PLA2G4F: variants seen among roughly 807,000 people sequenced by gnomAD.
PLA2G4F encodes the protein cytosolic phospholipase A2 zeta.
A neutral mutation model predicts 103.1 loss-of-function variants in PLA2G4F; 105 were observed. The observed-to-expected ratio is 1.02, with a 90% CI of 0.87 to 1.20. PLA2G4F has a LOEUF of 1.20. PLA2G4F is among the 50% of genes most tolerant of loss of function. The pLI is 0.00. For synonymous variants in PLA2G4F, 468 were observed against 441.1 expected, an observed-to-expected ratio of 1.06 and a Z score of -0.76; for missense variants, 1,155 against 1,075.9, an observed-to-expected ratio of 1.07 and a Z score of -1.03.
intron 11 of PLA2G4F, chr15:42,149,389 G>A: frequency 1.4e-6 from 1 of 711,170 alleles, no homozygotes; most frequent in Non-Finnish European, 1.7e-6. Flanking sequence ...AGGAAGAGGA[G>A]AGGGAACCCA....
intron 5 of PLA2G4F, 118 bp from the exon 6 acceptor site, chr15:42,153,460 G>C: frequency 2.7e-6 from 4 of 1,483,188 alleles, no homozygotes; most frequent in Non-Finnish European, 3.7e-6. Context: ...GTTTGGAGTG[G>C]GGCGAGCCTG....
At position 42,151,785 on chromosome 15, in the gene PLA2G4F, C is replaced by T. The variant is rs552264901; in HGVS notation, c.601+903G>A. 2.8e-4 allele frequency: 156 copies of T among 564,210 alleles called. No homozygotes were observed. In the South Asian group the frequency reaches 0.011, roughly 39 times the overall value. 35.0% of individuals were successfully genotyped at this position (564,210 alleles called of 1,614,324 possible). On this transcript the variant is annotated intron_variant, in intron 7 of 19. Transcript: ENST00000397272. ...GTGGTTGAGAGAAGCGGAGTGTCACCGACCTGGGTTTGACCCTGGCTCTAC... is the reference window on the plus strand; with the variant it reads ...GTGGTTGAGAGAAGCGGAGTGTCACTGACCTGGGTTTGACCCTGGCTCTAC...
In PLA2G4F at chr15:42,156,572, C is replaced by G. The variant is rs566491012; in HGVS notation, c.-23G>C. On this transcript the variant is annotated 5_prime_UTR_variant, in exon 1 of 20. Coordinates refer to ENST00000397272, the MANE Select transcript of PLA2G4F (RefSeq NM_213600.4). ...CATGGCTGGGCAGCCCGGGCCCCAG[C>G]AGGGAACCCTGCCTGCGCTCCTCTG... The G allele has an allele frequency of 8.6e-6, 13 of 1,511,418 alleles. No individual in the cohort carries two copies. The African/African-American group carries it at 1.8e-4, about 21-fold the overall frequency. 93.6% of individuals were successfully genotyped at this position (1,511,418 alleles called of 1,614,324 possible). A position where few individuals can be genotyped will look rare whatever the true frequency, so the allele number is the denominator to read the frequency against.
intron 1 of PLA2G4F, 75 bp downstream of exon 1, chr15:42,156,364 C>A (rs560417499): frequency 1.6e-6 from 2 of 1,259,386 alleles, no homozygotes; most frequent in African/African-American, 1.5e-5. Flanking sequence ...TGGGGCTGGT[C>A]TCAGTCTTCA....
At chr15:42,155,214 C>T (rs1196674738) in intron 2 of PLA2G4F, among the ~76,000 whole-genome samples, 1 of 152,010 alleles carries the variant, frequency 6.6e-6, no homozygotes. Context: ...TGCACTCACA[C>T]ACTCGCTCAC....
At chr15:42,145,541 T>C (rs1191476013) in intron 16 of PLA2G4F, 34 bp downstream of exon 16, 2 of 1,582,790 alleles carry the variant, frequency 1.3e-6, no homozygotes, top group African/African-American at 2.7e-5. Flanking sequence ...TGCTGGAATG[T>C]GGTGTGGGAG....
chr15:42,144,292 T>A, intron 17 of PLA2G4F, 148 bp from the exon 18 acceptor site: 2 of 1,384,166 alleles, frequency 1.4e-6, no homozygotes, highest in Non-Finnish European at 2.0e-6. Context: ...TGGCCCTGCC[T>A]TCCAGCTTCC....
At position 42,142,040 on chromosome 15, in the gene PLA2G4F, A is replaced by G; in HGVS notation, c.2494T>C (p.Cys832Arg). 1.9e-6 allele frequency: 3 copies of G among 1,614,066 alleles called. No homozygotes were observed. The highest frequency in any genetic ancestry group is 2.2e-5 in the East Asian group (1 of 44,876). ...CGGTCCAGAGCCAGCTGGAGGGCGC[A>G]CTTCAAGGTCTCCACGTTGTTCAGG... ...NVLNNVETLK[C>R]ALQLALDRHQ... The change falls in exon 20 of 20, where the codon TGC becomes CGC. Residue 832 changes from cysteine (C) to arginine (R), a missense_variant. By Grantham distance (180) the Cys-to-Arg change is radical. Coordinates refer to ENST00000397272, the MANE Select transcript of PLA2G4F (RefSeq NM_213600.4).
intron 18 of PLA2G4F, among the ~76,000 whole-genome samples, chr15:42,142,973 G>A (rs532870172): frequency 6.6e-6 from 1 of 151,972 alleles, no homozygotes; most frequent in Non-Finnish European, 1.5e-5. Flanking sequence ...GAGGTCAAGA[G>A]ATCAAGACCA....
rs1331248604 is a variant in PLA2G4F at position 42,142,346 on chromosome 15, C to G, written c.2330-142G>C. The G allele has an allele frequency of 4.3e-6, 5 of 1,154,272 alleles. No individual in the cohort carries two copies. The African/African-American group carries it at 4.7e-5, about 11-fold the overall frequency. 71.5% of individuals were successfully genotyped at this position (1,154,272 alleles called of 1,614,324 possible). ...TGGGCCACATCTCAGCTCTCAGACCCCCCAGGAGGGGCTGGCCCCATCTGA... is the reference window on the plus strand; with the variant it reads ...TGGGCCACATCTCAGCTCTCAGACCGCCCAGGAGGGGCTGGCCCCATCTGA... On this transcript the variant is annotated intron_variant, in intron 19 of 19. Transcript: ENST00000397272.
chr15:42,142,340 C>T (rs1469509421), intron 19 of PLA2G4F, 136 bp from the exon 20 acceptor site: 3 of 1,152,718 alleles, frequency 2.6e-6, no homozygotes, highest in African/African-American at 3.1e-5. Flanking sequence ...TCTCAGCTCT[C>T]AGACCCCCCA....
Position 42,146,390 on chromosome 15 carries a change from G to C in PLA2G4F, c.1420-149C>G, listed in dbSNP as rs1019305585. 50 of 722,142 alleles carry C rather than the reference G, an allele frequency of 6.9e-5. No individual in the cohort carries two copies. In the African/African-American group the frequency reaches 8.4e-4, roughly 12 times the overall value. The allele number at this position is 722,142 out of a possible 1,614,324, so 44.7% of individuals were successfully genotyped here. A position where few individuals can be genotyped will look rare whatever the true frequency, so the allele number is the denominator to read the frequency against. On this transcript the variant is annotated intron_variant, in intron 13 of 19. Transcript: ENST00000397272. ...CAGTGCTGTAAGGACAGCCCTCTGA[G>C]GGACAGGCTTCAGGCCGCAGCCAAG...
rs759593195 is a variant in PLA2G4F, at chr15:42,147,804, C to T, written c.1060-42G>A. 8.1e-6 allele frequency: 13 copies of T among 1,608,324 alleles called. No individual in the cohort carries two copies. In the African/African-American group the frequency reaches 9.4e-5, roughly 12 times the overall value. ...CAAGGATAACGACTCCGACTACCAC[C>T]GTCATTGACGTATTACTGCCTATAC... On this transcript the variant is annotated intron_variant, in intron 11 of 19. Coordinates refer to ENST00000397272, the MANE Select transcript of PLA2G4F (RefSeq NM_213600.4).
At chr15:42,146,008 C>A in intron 14 of PLA2G4F, 105 bp from the exon 15 acceptor site, 2 of 1,586,530 alleles carry the variant, frequency 1.3e-6, no homozygotes, top group African/African-American at 1.3e-5. Flanking sequence ...GCAGCAGCCC[C>A]GCTGTGCTCC....
Position 42,144,320 on chromosome 15 carries a change from C to T in PLA2G4F, c.1975+130G>A. 2.1e-6 allele frequency: 3 copies of T among 1,413,520 alleles called. No individual in the cohort carries two copies. In the South Asian group the frequency reaches 4.0e-5, roughly 19 times the overall value. The allele number at this position is 1,413,520 out of a possible 1,614,324, so 87.6% of individuals were successfully genotyped here. On this transcript the variant is annotated intron_variant, in intron 17 of 19. Coordinates refer to ENST00000397272, the MANE Select transcript of PLA2G4F (RefSeq NM_213600.4). Reference sequence around the variant, plus strand: ...CAGCTTCCAGCAGTATTTAGAGTCGCTCCGCATCAGCCCATAGGCAGCAGG... The same window carrying T: ...CAGCTTCCAGCAGTATTTAGAGTCGTTCCGCATCAGCCCATAGGCAGCAGG...
At chr15:42,149,653 G>T in intron 11 of PLA2G4F, 60 bp downstream of exon 11, 1 of 1,602,838 alleles carries the variant, frequency 6.2e-7, no homozygotes, top group East Asian at 2.2e-5. Flanking sequence ...GTCCTCTCAA[G>T]GGAAGAGACT....
intron 7 of PLA2G4F, chr15:42,151,311 C>T (rs1025455700): frequency 1.6e-4 from 153 of 985,166 alleles, no homozygotes; most frequent in Non-Finnish European, 1.8e-4. Context: ...GAGAGATGCA[C>T]GTCCTGGAGA....
rs755096375 is a variant in PLA2G4F at position 42,142,756 on chromosome 15, T to G, written c.2143-42A>C. 3.7e-5 allele frequency: 60 copies of G among 1,606,142 alleles called. No individual in the cohort carries two copies. In the South Asian group the frequency reaches 5.4e-4, roughly 14 times the overall value. ...CTCTGACTCTGCCTTTCCTCCACCCTGGCCACTCCCGCCGCCCTGGACTCA... is the reference window on the plus strand; with the variant it reads ...CTCTGACTCTGCCTTTCCTCCACCCGGGCCACTCCCGCCGCCCTGGACTCA... On this transcript the variant is annotated intron_variant, in intron 18 of 19. Coordinates refer to ENST00000397272, the MANE Select transcript of PLA2G4F (RefSeq NM_213600.4).
Position 42,141,906 on chromosome 15 carries a change from C to T in PLA2G4F, c.*78G>A. The stretch of plus-strand genomic sequence containing the variant: ...GGAAGCAGATCCTGCACAGAGTCCC[C>T]ATCGCTCCTCCCTCTACAAGCCCTG... On this transcript the variant is annotated 3_prime_UTR_variant, in exon 20 of 20. Transcript: ENST00000397272. 7.1e-7 allele frequency: 1 copy of T among 1,401,078 alleles called. No homozygotes were observed. Among genetic ancestry groups the T allele is most frequent in the Non-Finnish European group, 9.9e-7 (1 of 1,012,252 alleles). 86.8% of individuals were successfully genotyped at this position (1,401,078 alleles called of 1,614,324 possible). A position where few individuals can be genotyped will look rare whatever the true frequency, so the allele number is the denominator to read the frequency against.
Sources: allele counts gnomAD v4.1 joint callset (sites outside exome capture counted in the v4.1 genomes callset), GRCh38; gene constraint gnomAD v4.1.1; transcripts MANE v1.5; gene names NCBI Gene and HGNC (gene_info 2026-07-23, HGNC 2026-07-21).